The following RPS6KA5 variants were observed in gnomAD, a reference collection of about 807,000 sequenced individuals.
RPS6KA5 encodes the protein ribosomal protein S6 kinase A5.
A neutral mutation model predicts 85.5 loss-of-function variants in RPS6KA5; 27 were observed. The ratio of observed to expected loss-of-function variants is 0.32; its 90% CI spans 0.23 to 0.44. The LOEUF (loss-of-function observed/expected upper bound fraction) is 0.44. Among genes scored for constraint, RPS6KA5 ranks in the 20% least tolerant of loss-of-function variants. The pLI is 1.00. For missense variants in RPS6KA5, 811 were observed against 980.9 expected (o/e 0.83, Z 2.31); for synonymous variants, 334 against 348.2 (o/e 0.96, Z 0.46).
chr14:90,957,436 T>G (rs2038583506), intron 3 of RPS6KA5, among the ~76,000 whole-genome samples: 1 of 152,198 alleles, frequency 6.6e-6, no homozygotes, highest in African/African-American at 2.4e-5. Context: ...TTATCTGCAG[T>G]GTGAAGCCTC....
rs571694667 is a variant in RPS6KA5, at chr14:90,868,487, A to G, written c.*3587T>C. The G allele has an allele frequency of 3.3e-5, 5 of 152,340 alleles. No homozygotes were observed. Among genetic ancestry groups the G allele is most frequent in the African/African-American group, 1.2e-4 (5 of 41,590 alleles). 9.4% of individuals were successfully genotyped at this position (152,340 alleles called of 1,614,324 possible). ...TCATCTATATAACAATTATTTTGAC[A>G]TAAGTGGCATATCAGAATTTAACTT... On this transcript the variant is annotated 3_prime_UTR_variant, in exon 17 of 17. Coordinates refer to ENST00000614987, the MANE Select transcript of RPS6KA5 (RefSeq NM_004755.4).
intron 14 of RPS6KA5, among the ~76,000 whole-genome samples, chr14:90,880,031 C>A (rs2033735890): frequency 1.3e-5 from 2 of 152,092 alleles, no homozygotes; most frequent in African/African-American, 2.4e-5. Context: ...AAACTCCCGA[C>A]CTTGTGATCT....
chr14:90,921,610 G>A (rs923482470), intron 6 of RPS6KA5, among the ~76,000 whole-genome samples: 4 of 152,188 alleles, frequency 2.6e-5, no homozygotes, highest in African/African-American at 9.6e-5. Context: ...ACTGCCATTT[G>A]AGTCAGAACC....
chr14:90,991,047 T>C (rs545534329), intron 2 of RPS6KA5, among the ~76,000 whole-genome samples: 4 of 151,128 alleles, frequency 2.6e-5, no homozygotes, highest in African/African-American at 9.7e-5. Context: ...GGGAAAAAAA[T>C]AGAAAGTAGG....
At chr14:90,890,421 G>C in intron 14 of RPS6KA5, 66 bp downstream of exon 14, 4 of 1,333,746 alleles carry the variant, frequency 3.0e-6, no homozygotes, top group Non-Finnish European at 4.0e-6. Context: ...ACAGTGAAGA[G>C]TGAGATAAGG....
chr14:90,969,398 A>G (rs1465553857), intron 3 of RPS6KA5, among the ~76,000 whole-genome samples: 1 of 152,188 alleles, frequency 6.6e-6, no homozygotes, highest in Non-Finnish European at 1.5e-5. Flanking sequence ...TCTGCAGTTC[A>G]TACACTTTTA....
At chr14:90,917,949 G>C (rs2036209749) in intron 7 of RPS6KA5, among the ~76,000 whole-genome samples, 1 of 151,884 alleles carries the variant, frequency 6.6e-6, no homozygotes, top group Non-Finnish European at 1.5e-5. Flanking sequence ...ACAGATACCT[G>C]GATTATTTCC....
intron 12 of RPS6KA5, among the ~76,000 whole-genome samples, chr14:90,898,735 G>A (rs754814403): frequency 1.3e-5 from 2 of 152,172 alleles, no homozygotes; most frequent in Non-Finnish European, 2.9e-5. Flanking sequence ...GAACAGACAC[G>A]AACTGGACAC....
intron 1 of RPS6KA5, among the ~76,000 whole-genome samples, chr14:91,044,234 G>C (rs994354078): frequency 8.1e-5 from 12 of 148,398 alleles, no homozygotes; most frequent in Admixed American, 6.8e-4. Flanking sequence ...GAGAGAAAGA[G>C]ATGGGGGAGA....
At chr14:90,873,131 TA>T (rs1475991338) in intron 16 of RPS6KA5, among the ~76,000 whole-genome samples, 2 of 152,220 alleles carry the variant, frequency 1.3e-5, no homozygotes, top group African/African-American at 4.8e-5. Context: ...ATTATCTTAA[TA>T]TATTTGCATC....
rs2032062983 is a variant in RPS6KA5, at chr14:90,852,715, G to T, written c.*19359C>A. The stretch of plus-strand genomic sequence containing the variant: ...CAAAAATAAATTCCAGTTAGCCTTT[G>T]CTGGGAGAAACTTTTTTTTTTTTTT... On this transcript the variant is annotated 3_prime_UTR_variant, in exon 17 of 17. Coordinates refer to ENST00000614987, the MANE Select transcript of RPS6KA5 (RefSeq NM_004755.4). 6.9e-6 allele frequency: 1 copy of T among 144,792 alleles called. No individual in the cohort carries two copies. Among genetic ancestry groups the T allele is most frequent in the Admixed American group, 7.2e-5 (1 of 13,896 alleles). 9.0% of individuals were successfully genotyped at this position (144,792 alleles called of 1,614,324 possible). A position where few individuals can be genotyped will look rare whatever the true frequency, so the allele number is the denominator to read the frequency against.
intron 1 of RPS6KA5, among the ~76,000 whole-genome samples, chr14:91,037,803 C>A (rs965647977): frequency 6.6e-6 from 1 of 152,214 alleles, no homozygotes; most frequent in Non-Finnish European, 1.5e-5. Flanking sequence ...TTAATAAATT[C>A]TCCCTTATTC....
intron 14 of RPS6KA5, among the ~76,000 whole-genome samples, chr14:90,877,235 G>A (rs993937460): frequency 1.3e-5 from 2 of 152,148 alleles, no homozygotes; most frequent in African/African-American, 4.8e-5. Flanking sequence ...TAGAAGACAC[G>A]GAGAAGGAAC....
intron 14 of RPS6KA5, among the ~76,000 whole-genome samples, chr14:90,889,324 T>C (rs2034422675): frequency 7.0e-6 from 1 of 142,612 alleles, no homozygotes. Flanking sequence ...AAAAGAGTAA[T>C]TCATAAAAGA....
At chr14:90,936,553 TA>T (rs199953012) in intron 5 of RPS6KA5, among the ~76,000 whole-genome samples, 9 of 149,578 alleles carry the variant, frequency 6.0e-5, no homozygotes, top group East Asian at 3.9e-4. Flanking sequence ...CCCCATCTTT[TA>T]AAAAAAAAAT....
intron 7 of RPS6KA5, among the ~76,000 whole-genome samples, chr14:90,915,167 A>T (rs1444451088): frequency 6.6e-6 from 1 of 152,194 alleles, no homozygotes; most frequent in Non-Finnish European, 1.5e-5. Context: ...AAAGCAACAT[A>T]TCTCAAAATT....
chr14:90,848,335 T>C lies in RPS6KA5; in HGVS notation c.*23739A>G, dbSNP rs1485935431. On this transcript the variant is annotated 3_prime_UTR_variant, in exon 17 of 17. Transcript: ENST00000614987. ...TAGCAACGAAGGGAACATGGAACAT[T>C]AGCCCTCCTAAACAATTCCAGAAGA... 6.6e-6 allele frequency: 1 copy of C among 152,198 alleles called. No homozygotes were observed. The highest frequency in any genetic ancestry group is 2.4e-5 in the African/African-American group (1 of 41,448). The allele number at this position is 152,198 out of a possible 1,614,324, so 9.4% of individuals were successfully genotyped here.
At chr14:90,979,852 G>C (rs2039718644) in intron 2 of RPS6KA5, among the ~76,000 whole-genome samples, 1 of 152,182 alleles carries the variant, frequency 6.6e-6, no homozygotes, top group Non-Finnish European at 1.5e-5. Context: ...CAAAGACTGA[G>C]GCAAGAAGCA....
chr14:91,006,570 G>C (rs1468314799), intron 1 of RPS6KA5, among the ~76,000 whole-genome samples: 1 of 152,096 alleles, frequency 6.6e-6, no homozygotes, highest in Non-Finnish European at 1.5e-5. Context: ...ACCAGGAAGT[G>C]GGCCCTCACC....
Sources: gnomAD v4.1 joint callset for allele counts (sites outside exome capture counted in the v4.1 genomes callset) on GRCh38, gnomAD v4.1.1 for gene constraint, MANE v1.5 for transcripts, NCBI Gene and HGNC (gene_info 2026-07-23, HGNC 2026-07-21) for gene names.